Variants in ARHGEF11 observed in about 807,000 individuals in gnomAD.
ARHGEF11 encodes the protein Rho guanine exchange factor (GEF) 11.
Under a neutral mutation model 193.7 loss-of-function variants are expected in ARHGEF11, and 55 were observed. The observed-to-expected ratio is 0.28, with a 90% CI of 0.23 to 0.36. ARHGEF11 has a LOEUF of 0.36. Among genes scored for constraint, ARHGEF11 ranks in the 10% least tolerant of loss-of-function variants. The pLI is 1.00. For synonymous variants in ARHGEF11, 693 were observed against 768.0 expected, an observed-to-expected ratio of 0.90 and a Z score of 1.62; for missense variants, 1,723 against 2,005.6, an observed-to-expected ratio of 0.86 and a Z score of 2.69.
chr1:156,941,488 A>C (rs1656907572), intron 34 of ARHGEF11, 55 bp from the exon 35 acceptor site: 2 of 1,561,446 alleles, frequency 1.3e-6, no homozygotes, highest in Non-Finnish European at 1.8e-6. Context: ...CCCTGGACTC[A>C]TGCATTAGAA....
intron 1 of ARHGEF11, among the ~76,000 whole-genome samples, chr1:156,989,398 C>T (rs886064776): frequency 6.6e-6 from 1 of 152,138 alleles, no homozygotes; most frequent in African/African-American, 2.4e-5. Flanking sequence ...TCCAGCACTC[C>T]ACCACCACAG....
chr1:156,948,526 G>C lies in ARHGEF11; in HGVS notation c.1926-28C>G. ...GGGGGGAAGGGACAAAAGACTTTGG[G>C]ACTTGGGAAGTCAGTGGGCCATGCT... On this transcript the variant is annotated intron_variant, in intron 22 of 40. Coordinates refer to ENST00000368194, the MANE Select transcript of ARHGEF11 (RefSeq NM_198236.3). The surrounding 1 kb of genome is among the most constrained non-coding windows in gnomAD (Gnocchi z 4.2). 6.2e-7 allele frequency: 1 copy of C among 1,614,138 alleles called. No homozygotes were observed. Among genetic ancestry groups the C allele is most frequent in the Non-Finnish European group, 8.5e-7 (1 of 1,180,010 alleles).
intron 1 of ARHGEF11, among the ~76,000 whole-genome samples, chr1:157,041,210 A>G (rs1485312957): frequency 6.6e-6 from 1 of 152,240 alleles, no homozygotes; most frequent in Non-Finnish European, 1.5e-5. Context: ...CCACTCCTGT[A>G]AAAATAATTT....
chr1:156,941,518 C>G, intron 34 of ARHGEF11, 85 bp from the exon 35 acceptor site: 1 of 1,440,992 alleles, frequency 6.9e-7, no homozygotes, highest in African/African-American at 1.7e-5. Context: ...GAGTAGGATC[C>G]GAGAAGGACG....
chr1:156,963,835 T>C, intron 11 of ARHGEF11: 1 of 1,235,294 alleles, frequency 8.1e-7, no homozygotes, highest in Non-Finnish European at 1.0e-6. Flanking sequence ...ACATGACATA[T>C]GAAGATGGGA....
intron 1 of ARHGEF11, among the ~76,000 whole-genome samples, chr1:157,028,337 G>C (rs1428982972): frequency 6.6e-6 from 1 of 152,168 alleles, no homozygotes; most frequent in Non-Finnish European, 1.5e-5. Flanking sequence ...ATTTTGCTAA[G>C]CACTTCACAT....
chr1:156,998,151 G>A (rs11264594), intron 1 of ARHGEF11, among the ~76,000 whole-genome samples: 35,911 of 152,082 alleles, frequency 0.24, 4,507 homozygotes, highest in East Asian at 0.44. Context: ...GAGTAAAGAG[G>A]CACAACTGTC....
chr1:156,944,228 T>C, intron 31 of ARHGEF11, 126 bp from the exon 32 acceptor site: 1 of 1,423,876 alleles, frequency 7.0e-7, no homozygotes, highest in Non-Finnish European at 9.7e-7. Flanking sequence ...CATTTCTCTC[T>C]CTGATTATTC....
intron 10 of ARHGEF11, among the ~76,000 whole-genome samples, chr1:156,968,783 A>T (rs1662096302): frequency 6.6e-6 from 1 of 152,252 alleles, no homozygotes; most frequent in Admixed American, 6.5e-5. Context: ...CACCTGGAAG[A>T]GATAACCTTT....
chr1:156,979,738 C>T (rs1006695785), intron 4 of ARHGEF11, among the ~76,000 whole-genome samples: 1 of 152,216 alleles, frequency 6.6e-6, no homozygotes, highest in African/African-American at 2.4e-5. Flanking sequence ...ACTCAAGTCA[C>T]ACTATGAATT....
At chr1:157,035,190 C>G (rs756580869) in intron 1 of ARHGEF11, among the ~76,000 whole-genome samples, 2 of 152,104 alleles carry the variant, frequency 1.3e-5, no homozygotes, top group African/African-American at 4.8e-5. Flanking sequence ...TTAGGCCCCT[C>G]ATTTTTAACT....
chr1:156,949,622 A>C (rs1267129927), intron 22 of ARHGEF11, among the ~76,000 whole-genome samples: 2 of 151,836 alleles, frequency 1.3e-5, no homozygotes, highest in Non-Finnish European at 2.9e-5. Context: ...TATTGAATTC[A>C]CCCTCCAGAA....
chr1:156,988,604 G>A (rs1665269328), intron 1 of ARHGEF11, among the ~76,000 whole-genome samples: 1 of 152,194 alleles, frequency 6.6e-6, no homozygotes, highest in Non-Finnish European at 1.5e-5. Context: ...CATTTGAGCT[G>A]AGGCATGAGC....
intron 1 of ARHGEF11, among the ~76,000 whole-genome samples, chr1:157,040,325 G>A (rs545003996): frequency 2.0e-5 from 3 of 152,302 alleles, no homozygotes; most frequent in East Asian, 3.9e-4. Context: ...AAATGTCTGG[G>A]GACTTCTTGG....
chr1:156,945,246 C>T (rs2275201), intron 29 of ARHGEF11, 49 bp from the exon 30 acceptor site: 339,913 of 1,575,088 alleles, frequency 0.22, 44,469 homozygotes, highest in African/African-American at 0.62. Flanking sequence ...CTGAGAAGTC[C>T]AACATGGCGC....
At chr1:156,963,421 A>T (rs1661248797) in intron 12 of ARHGEF11, 99 bp downstream of exon 12, 3 of 1,503,900 alleles carry the variant, frequency 2.0e-6, no homozygotes, top group Non-Finnish European at 2.8e-6. Context: ...CCCCGCCTCA[A>T]GTTCCCTTCA....
intron 1 of ARHGEF11, among the ~76,000 whole-genome samples, chr1:157,039,886 C>T (rs1156974203): frequency 6.6e-6 from 1 of 152,194 alleles, no homozygotes; most frequent in African/African-American, 2.4e-5. Flanking sequence ...ACTATACAAA[C>T]TAGAGTTTCT....
chr1:156,941,533 G>T, intron 34 of ARHGEF11, 100 bp from the exon 35 acceptor site: 1 of 1,339,676 alleles, frequency 7.5e-7, no homozygotes, highest in Non-Finnish European at 1.1e-6. Context: ...AGGACGGTGT[G>T]GGCCTCTTCA....
rs373423595 is a variant in ARHGEF11, at chr1:156,978,169, T to C, written c.510+35A>G. The stretch of plus-strand genomic sequence containing the variant: ...CAATGCGGAGCTTTTCAACAGGACA[T>C]TAGGGTGAGGAAAGAAAGCCAGGAG... On this transcript the variant is annotated intron_variant, in intron 6 of 40. Transcript: ENST00000368194. 45 of 1,613,472 alleles carry C rather than the reference T, an allele frequency of 2.8e-5. No homozygotes were observed. The African/African-American group carries it at 4.8e-4, about 17-fold the overall frequency.
Sources: gnomAD v4.1 joint callset for allele counts (sites outside exome capture counted in the v4.1 genomes callset) on GRCh38, gnomAD v4.1.1 for gene constraint, Gnocchi (gnomAD v3.1) non-coding constraint, MANE v1.5 for transcripts, NCBI Gene and HGNC (gene_info 2026-07-23, HGNC 2026-07-21) for gene names.